The following HHAT variants were observed in gnomAD, a reference collection of about 807,000 sequenced individuals.
HHAT encodes protein-cysteine N-palmitoyltransferase HHAT.
Under a neutral mutation model 70.8 loss-of-function variants are expected in HHAT, and 47 were observed. The observed-to-expected ratio is 0.66, with a 90% confidence interval of 0.53 to 0.85. The LOEUF (loss-of-function observed/expected upper bound fraction) is 0.85, where lower values mean the gene tolerates loss of function less well. Among genes scored for constraint, HHAT ranks in the 40% least tolerant of loss-of-function variants. The pLI, the probability that HHAT is intolerant of heterozygous loss-of-function variation, is 0.00. For missense variants in HHAT, 609 were observed against 604.8 expected (o/e 1.01, Z -0.07); for synonymous variants, 228 against 247.6 (o/e 0.92, Z 0.74).
In HHAT at chr1:210,622,630, C is replaced by T. The variant is rs141606421; in HGVS notation, c.1246-896C>T. On this transcript the variant is annotated intron_variant, in intron 10 of 11. Transcript: ENST00000261458. Reference sequence around the variant, plus strand: ...CCTCCAGCCTTGAGTATTTCAGGCACGCCGATACACTTCATCCTCAGTGCC... The same window carrying T: ...CCTCCAGCCTTGAGTATTTCAGGCATGCCGATACACTTCATCCTCAGTGCC... Among the ~76,000 whole-genome samples the T allele has an allele frequency of 1.4e-4, 22 of 152,308 alleles. No homozygotes were observed. In the East Asian group the frequency reaches 4.1e-3, roughly 28 times the overall value.
intron 2 of HHAT, among the ~76,000 whole-genome samples, chr1:210,357,033 A>G (rs3765880): frequency 0.79 from 120,295 of 152,242 alleles, 48,257 homozygotes; most frequent in African/African-American, 0.93. Context: ...TTGTGGAACA[A>G]CCAAGGCTCC....
chr1:210,645,405 G>A (rs1240765517), intron 11 of HHAT, among the ~76,000 whole-genome samples: 1 of 152,176 alleles, frequency 6.6e-6, no homozygotes, highest in Non-Finnish European at 1.5e-5. Context: ...AGCCTCCTGA[G>A]TAGCTGGGAC....
intron 11 of HHAT, among the ~76,000 whole-genome samples, chr1:210,658,122 G>C (rs550504944): frequency 3.3e-5 from 5 of 152,156 alleles, no homozygotes; most frequent in Non-Finnish European, 7.3e-5. Context: ...AAGAAGGCAA[G>C]TTCATAGGCT....
At chr1:210,505,346 T>C (rs1162619116) in intron 8 of HHAT, among the ~76,000 whole-genome samples, 1 of 152,162 alleles carries the variant, frequency 6.6e-6, no homozygotes, top group Non-Finnish European at 1.5e-5. Context: ...AAAATAAAGA[T>C]GTTGCTTGAG....
chr1:210,470,252 G>A (rs1219804738), intron 8 of HHAT, among the ~76,000 whole-genome samples: 3 of 152,116 alleles, frequency 2.0e-5, no homozygotes, highest in Non-Finnish European at 2.9e-5. Flanking sequence ...GGTGAAAGAC[G>A]GATTTCAAAT....
chr1:210,487,090 G>A (rs925384413), intron 8 of HHAT, among the ~76,000 whole-genome samples: 4 of 152,138 alleles, frequency 2.6e-5, no homozygotes, highest in African/African-American at 9.7e-5. Context: ...TGATGCAGAG[G>A]CATAGGCAGT....
intron 5 of HHAT, among the ~76,000 whole-genome samples, chr1:210,401,270 T>C (rs1324007157): frequency 6.6e-6 from 1 of 152,088 alleles, no homozygotes; most frequent in Admixed American, 6.5e-5. Context: ...CCTGCCACCA[T>C]ACCCAGTTAA....
chr1:210,414,438 A>C (rs1171387265), intron 6 of HHAT, among the ~76,000 whole-genome samples: 1 of 152,208 alleles, frequency 6.6e-6, no homozygotes, highest in Admixed American at 6.5e-5. Flanking sequence ...GGAGAGCTGG[A>C]AAAGGGTTGA....
At chr1:210,605,369 C>A (rs1181767601) in intron 10 of HHAT, among the ~76,000 whole-genome samples, 1 of 152,160 alleles carries the variant, frequency 6.6e-6, no homozygotes, top group Non-Finnish European at 1.5e-5. Flanking sequence ...TTTTGATAAA[C>A]CCCTCCTACT....
chr1:210,489,480 T>C (rs763519552), intron 8 of HHAT, among the ~76,000 whole-genome samples: 3 of 152,222 alleles, frequency 2.0e-5, no homozygotes, highest in Non-Finnish European at 4.4e-5. Context: ...AGCAGGCTAA[T>C]CCAAGGATCT....
intron 8 of HHAT, among the ~76,000 whole-genome samples, chr1:210,488,969 C>T (rs969125955): frequency 2.0e-5 from 3 of 152,174 alleles, no homozygotes; most frequent in Non-Finnish European, 2.9e-5. Context: ...ACTCATTCTC[C>T]GGTTTGGCTT....
intron 9 of HHAT, among the ~76,000 whole-genome samples, chr1:210,538,063 T>C (rs996944709): frequency 6.6e-6 from 1 of 150,800 alleles, no homozygotes; most frequent in African/African-American, 2.5e-5. Flanking sequence ...TAAACAATTG[T>C]ACACATTTTG....
intron 10 of HHAT, among the ~76,000 whole-genome samples, chr1:210,599,458 C>T (rs1040820880): frequency 3.3e-5 from 5 of 152,122 alleles, no homozygotes; most frequent in African/African-American, 1.2e-4. Flanking sequence ...ATATGGAGCT[C>T]GTGACCCCCT....
intron 7 of HHAT, among the ~76,000 whole-genome samples, chr1:210,433,831 G>A (rs12091294): frequency 6.6e-6 from 1 of 151,898 alleles, no homozygotes; most frequent in Non-Finnish European, 1.5e-5. Context: ...AGGCTCTCAG[G>A]TGGAGGCCAG....
chr1:210,504,902 C>CT (rs71571952), intron 8 of HHAT, among the ~76,000 whole-genome samples: 60,641 of 124,188 alleles, frequency 0.49, 16,662 homozygotes, highest in Non-Finnish European at 0.61. Flanking sequence ...GCTTTTTATT[C>CT]TTTTTTTTTT....
chr1:210,661,869 G>A (rs1229863080), intron 11 of HHAT, among the ~76,000 whole-genome samples: 1 of 152,098 alleles, frequency 6.6e-6, no homozygotes, highest in Non-Finnish European at 1.5e-5. Flanking sequence ...AGCATTAGGA[G>A]AAATACCTAA....
At chr1:210,606,141 T>A (rs915250631) in intron 10 of HHAT, among the ~76,000 whole-genome samples, 5 of 152,214 alleles carry the variant, frequency 3.3e-5, no homozygotes, top group African/African-American at 1.2e-4. Flanking sequence ...ATTACAGGCA[T>A]GAGCCACCAC....
At chr1:210,502,840 T>A (rs1444396728) in intron 8 of HHAT, among the ~76,000 whole-genome samples, 1 of 152,228 alleles carries the variant, frequency 6.6e-6, no homozygotes, top group Non-Finnish European at 1.5e-5. Flanking sequence ...CAAAGTGGTA[T>A]CATGGTCATA....
chr1:210,415,369 T>A (rs2092689703), intron 6 of HHAT, among the ~76,000 whole-genome samples: 1 of 152,140 alleles, frequency 6.6e-6, no homozygotes, highest in Non-Finnish European at 1.5e-5. Flanking sequence ...AGGTAAGGAT[T>A]CAAATGAAAA....
Sources: gnomAD v4.1 joint callset for allele counts (sites outside exome capture counted in the v4.1 genomes callset) on GRCh38, gnomAD v4.1.1 for gene constraint, MANE v1.5 for transcripts, NCBI Gene and HGNC (gene_info 2026-07-23, HGNC 2026-07-21) for gene names.